Variants in PARVB observed in about 807,000 individuals in gnomAD.
PARVB encodes the protein parvin beta, also known as beta-parvin.
A neutral mutation model predicts 47.0 loss-of-function variants in PARVB; 46 were observed. The observed-to-expected ratio is 0.98, with a 90% CI of 0.77 to 1.25. The LOEUF (loss-of-function observed/expected upper bound fraction) is 1.25, where lower values mean the gene tolerates loss of function less well. PARVB is among the 50% of genes most tolerant of loss of function. The probability of loss-of-function intolerance (pLI) is 0.00; values close to 1 mark genes in which losing one functional copy is unlikely to be tolerated. For missense variants in PARVB, 473 were observed against 471.6 expected (o/e 1.00, Z -0.03); for synonymous variants, 196 against 196.3 (o/e 1.00, Z 0.01).
chr22:44,167,083 T>C (rs12167464), intron 12 of PARVB, among the ~76,000 whole-genome samples: 7,323 of 152,228 alleles, frequency 0.048, 562 homozygotes, highest in African/African-American at 0.17. Context: ...GAGCCAGGCC[T>C]GCACCTGGTT....
At chr22:44,165,677 G>A (rs1601711546) in intron 12 of PARVB, among the ~76,000 whole-genome samples, 1 of 152,228 alleles carries the variant, frequency 6.6e-6, no homozygotes, top group East Asian at 1.9e-4. Context: ...TCGCTGGATG[G>A]GGGGCGGATG....
intron 2 of PARVB, among the ~76,000 whole-genome samples, chr22:44,006,139 C>T (rs755551293): frequency 1.3e-4 from 20 of 152,172 alleles, no homozygotes; most frequent in Non-Finnish European, 2.6e-4. Context: ...GAGGCAGGGT[C>T]TTGCTATGTT....
chr22:44,059,433 G>C (rs888399185), intron 1 of PARVB, among the ~76,000 whole-genome samples: 1 of 152,220 alleles, frequency 6.6e-6, no homozygotes, highest in Non-Finnish European at 1.5e-5. Flanking sequence ...AACACCGTGA[G>C]GCTTGTGTTT....
chr22:44,120,096 C>T lies in PARVB; in HGVS notation c.376+956C>T, dbSNP rs564191659. ...GGCCCACAGTCTCCTGGTGAACAGC[C>T]GGGCAGCCTGGCCCCAAGCATAGCT... On this transcript the variant is annotated intron_variant, in intron 4 of 12. Transcript: ENST00000338758. 2.5e-3 allele frequency among the ~76,000 whole-genome samples: 377 copies of T among 152,304 alleles called. 1 individual carries two copies. The highest frequency in any genetic ancestry group is 8.6e-3 in the African/African-American group (358 of 41,582).
chr22:44,151,597 T>G (rs1010371004), intron 10 of PARVB, 46 bp downstream of exon 10: 8 of 1,462,822 alleles, frequency 5.5e-6, no homozygotes, highest in Non-Finnish European at 7.7e-6. Context: ...ACCGCCATTT[T>G]CAGTCAGTGT....
intron 1 of PARVB, among the ~76,000 whole-genome samples, chr22:44,048,090 C>G (rs2051145751): frequency 6.6e-6 from 1 of 152,084 alleles, no homozygotes; most frequent in Admixed American, 6.6e-5. Context: ...GGGGTTCAGG[C>G]AGGCAGAACA....
rs1043707906 is a variant in PARVB, at chr22:44,170,291, A to G, written c.*1613A>G. The stretch of plus-strand genomic sequence containing the variant: ...GCTGGGATTATAGGCATGAGCGGAC[A>G]TGCCCAGCCTGCACCCCTCTTTTTA... On this transcript the variant is annotated 3_prime_UTR_variant, in exon 13 of 13. Transcript: ENST00000338758. 6 of 152,094 alleles carry G rather than the reference A, an allele frequency of 3.9e-5. No individual in the cohort carries two copies. Among genetic ancestry groups the G allele is most frequent in the Admixed American group, 1.3e-4 (2 of 15,272 alleles). 9.4% of individuals were successfully genotyped at this position (152,094 alleles called of 1,614,324 possible). A position where few individuals can be genotyped will look rare whatever the true frequency, so the allele number is the denominator to read the frequency against.
At chr22:44,163,500 G>T (rs2054096954) in intron 11 of PARVB, among the ~76,000 whole-genome samples, 1 of 151,998 alleles carries the variant, frequency 6.6e-6, no homozygotes, top group African/African-American at 2.4e-5. Flanking sequence ...AATAAACAAA[G>T]AAATAATAAA....
chr22:44,120,252 A>G (rs1463881658), intron 4 of PARVB, among the ~76,000 whole-genome samples: 3 of 152,226 alleles, frequency 2.0e-5, no homozygotes, highest in Non-Finnish European at 2.9e-5. Flanking sequence ...CTGAATGAGC[A>G]GATGTCCCTG....
At chr22:44,166,245 G>A (rs983474558) in intron 12 of PARVB, among the ~76,000 whole-genome samples, 21 of 152,184 alleles carry the variant, frequency 1.4e-4, no homozygotes, top group Non-Finnish European at 2.4e-4. Context: ...AAGTAGCTGG[G>A]ATTACAGGCA....
intron 3 of PARVB, among the ~76,000 whole-genome samples, chr22:44,117,080 C>T (rs1408983166): frequency 3.3e-5 from 5 of 152,096 alleles, no homozygotes; most frequent in Non-Finnish European, 7.4e-5. Flanking sequence ...AAGGAGCACG[C>T]CTGGGGTGTG....
intron 12 of PARVB, among the ~76,000 whole-genome samples, chr22:44,166,327 C>T (rs1242477088): frequency 6.6e-6 from 1 of 152,224 alleles, no homozygotes; most frequent in Non-Finnish European, 1.5e-5. Flanking sequence ...CCAGGCTGGT[C>T]TTGAACTCCT....
At chr22:44,072,300 C>G (rs1386809773) in intron 1 of PARVB, among the ~76,000 whole-genome samples, 1 of 152,172 alleles carries the variant, frequency 6.6e-6, no homozygotes, top group African/African-American at 2.4e-5. Context: ...GTCCCCGAGT[C>G]TCTGTCCCCA....
Position 44,125,949 on chromosome 22 carries a change from T to C in PARVB, c.377-5538T>C, listed in dbSNP as rs1479234769. On this transcript the variant is annotated intron_variant, in intron 4 of 12. Transcript: ENST00000338758. This position sits in a 1 kb window ranked among gnomAD's most constrained non-coding sequence, Gnocchi z 4.1. ...GAGGTACTGTACAGTTAAACTGCCA[T>C]AGGAACCAAGACTGATGGCCAGGTT... 1.1e-4 allele frequency among the ~76,000 whole-genome samples: 16 copies of C among 152,034 alleles called. No homozygotes were observed. Among genetic ancestry groups the C allele is most frequent in the Non-Finnish European group, 2.1e-4 (14 of 68,006 alleles).
intron 12 of PARVB, chr22:44,168,289 C>T (rs970385171): frequency 1.3e-5 from 4 of 299,452 alleles, no homozygotes; most frequent in Middle Eastern, 1.1e-3. Context: ...TGTCATTAGC[C>T]ATGTCCCCCA....
intron 1 of PARVB, among the ~76,000 whole-genome samples, chr22:44,070,194 C>T (rs2051624007): frequency 2.6e-5 from 4 of 152,132 alleles, no homozygotes; most frequent in Admixed American, 2.6e-4. Flanking sequence ...AAGCTGAAGC[C>T]CAGAGAGGTT....
intron 3 of PARVB, among the ~76,000 whole-genome samples, chr22:44,117,885 T>A (rs1419913364): frequency 6.6e-6 from 1 of 152,126 alleles, no homozygotes; most frequent in African/African-American, 2.4e-5. Context: ...ATTGATTGAG[T>A]CCATTTTATT....
chr22:44,160,903 T>A (rs1601703734), intron 11 of PARVB, among the ~76,000 whole-genome samples: 1 of 151,992 alleles, frequency 6.6e-6, no homozygotes, highest in Non-Finnish European at 1.5e-5. Flanking sequence ...ATGCATCTCA[T>A]CCCCAGCCCC....
chr22:44,116,671 C>G (rs1003749061), intron 3 of PARVB, among the ~76,000 whole-genome samples: 2 of 152,156 alleles, frequency 1.3e-5, no homozygotes, highest in East Asian at 1.9e-4. Flanking sequence ...CAGGGGAGAG[C>G]CTTTCAAAGA....
Sources: allele counts gnomAD v4.1 joint callset (sites outside exome capture counted in the v4.1 genomes callset), GRCh38; gene constraint gnomAD v4.1.1; non-coding constraint Gnocchi (gnomAD v3.1); transcripts MANE v1.5; gene names NCBI Gene and HGNC (gene_info 2026-07-23, HGNC 2026-07-21).